LIN54: variants seen among roughly 807,000 people sequenced by gnomAD.
LIN54 encodes the protein protein lin-54 homolog.
Under a neutral mutation model 78.7 loss-of-function variants are expected in LIN54, and 9 were observed. The ratio of observed to expected loss-of-function variants is 0.11; its 90% confidence interval spans 0.07 to 0.20. The LOEUF is 0.20. Ranked by LOEUF, LIN54 falls within the 10% of genes least tolerant of loss-of-function variation. The probability of loss-of-function intolerance (pLI) is 1.00; values close to 1 mark genes in which losing one functional copy is unlikely to be tolerated. For synonymous variants in LIN54, 269 were observed against 318.4 expected (o/e 0.84, Z 1.65); for missense variants, 573 against 889.9 (o/e 0.64, Z 4.53).
At chr4:82,988,265 G>A (rs1339704917) in intron 1 of LIN54, among the ~76,000 whole-genome samples, 2 of 152,000 alleles carry the variant, frequency 1.3e-5, no homozygotes, top group East Asian at 1.9e-4. Context: ...AATATATTAT[G>A]TACTTATGAC....
upstream of LIN54, among the ~76,000 whole-genome samples, chr4:83,011,856 A>C (rs1729873485): frequency 6.6e-6 from 1 of 151,706 alleles, no homozygotes; most frequent in South Asian, 2.1e-4. Context: ...CAATTTTAGA[A>C]AGAGTTAACC....
rs558846465 is a variant in LIN54, at chr4:82,926,428, A to T, written c.*1674T>A. On this transcript the variant is annotated 3_prime_UTR_variant, in exon 13 of 13. Coordinates refer to ENST00000340417, the MANE Select transcript of LIN54 (RefSeq NM_194282.4). ...GGAAGATACTTTAGTGAATAACGGA[A>T]TCCTCTTTTGGATTACTTAATTTCT... 1 of 152,538 alleles carries T rather than the reference A, an allele frequency of 6.6e-6. No individual in the cohort carries two copies. Among genetic ancestry groups the T allele is most frequent in the African/African-American group, 2.4e-5 (1 of 41,438 alleles). The allele number at this position is 152,538 out of a possible 1,614,324, so 9.4% of individuals were successfully genotyped here. A position where few individuals can be genotyped will look rare whatever the true frequency, so the allele number is the denominator to read the frequency against.
At chr4:82,945,394 A>G (rs527449354) in intron 5 of LIN54, among the ~76,000 whole-genome samples, 1 of 152,362 alleles carries the variant, frequency 6.6e-6, no homozygotes, top group South Asian at 2.1e-4. Context: ...ATGGATGTAT[A>G]TCAGGTGGTA....
intron 3 of LIN54, among the ~76,000 whole-genome samples, chr4:82,975,317 CAG>C (rs369165894): frequency 1.4e-5 from 2 of 147,598 alleles, no homozygotes; most frequent in African/African-American, 5.0e-5. Flanking sequence ...GCCTGGGTGA[CAG>C]AGTGAAACTG....
chr4:82,950,600 C>T (rs1039945224), intron 4 of LIN54, among the ~76,000 whole-genome samples: 1 of 152,170 alleles, frequency 6.6e-6, no homozygotes, highest in African/African-American at 2.4e-5. Flanking sequence ...ATCTCTATTT[C>T]CTGAATAACA....
intron 4 of LIN54, among the ~76,000 whole-genome samples, chr4:82,964,437 A>G (rs1744216097): frequency 6.6e-6 from 1 of 152,216 alleles, no homozygotes; most frequent in South Asian, 2.1e-4. Flanking sequence ...ATCCTTGTTC[A>G]ACACTGTACC....
At chr4:83,001,929 GGGAAGGAAGGAA>G (rs1337408432) in intron 1 of LIN54, among the ~76,000 whole-genome samples, 2 of 2,920 alleles carry the variant, frequency 6.8e-4, no homozygotes, top group African/African-American at 1.3e-3. Context: ...GAGGGAGGGA[GGGAAGGAAGGAA>G]GGAAGGAAGG....
At chr4:83,010,995 G>A (rs1329761500), upstream of LIN54, among the ~76,000 whole-genome samples, 1 of 152,136 alleles carries the variant, frequency 6.6e-6, no homozygotes, top group Non-Finnish European at 1.5e-5. Context: ...ACGGGCCCCC[G>A]CAGGGACGCC....
In LIN54 at chr4:82,924,830, C is replaced by T. The variant is rs1251635184; in HGVS notation, c.*3272G>A. ...TTCCCTTCTGCTTTGGGTAGCCACA[C>T]CAGAATTCCTATATAAAATGCTTAA... On this transcript the variant is annotated 3_prime_UTR_variant, in exon 13 of 13. Coordinates refer to ENST00000340417, the MANE Select transcript of LIN54 (RefSeq NM_194282.4). 6.6e-6 allele frequency: 1 copy of T among 152,460 alleles called. No homozygotes were observed. Among genetic ancestry groups the T allele is most frequent in the African/African-American group, 2.4e-5 (1 of 41,420 alleles). The allele number at this position is 152,460 out of a possible 1,614,324, so 9.4% of individuals were successfully genotyped here. A position where few individuals can be genotyped will look rare whatever the true frequency, so the allele number is the denominator to read the frequency against.
At position 82,924,788 on chromosome 4, in the gene LIN54, A is replaced by AT. The variant is rs1214067463; in HGVS notation, c.*3313dup. On this transcript the variant is annotated 3_prime_UTR_variant, in exon 13 of 13. Coordinates refer to ENST00000340417, the MANE Select transcript of LIN54 (RefSeq NM_194282.4). ...ATGAAAATAACTCCAATAGAAAGGGATTTTTAGTTGATTGCCTTCCCTTCT... is the reference window on the plus strand; with the variant it reads ...ATGAAAATAACTCCAATAGAAAGGGATTTTTTAGTTGATTGCCTTCCCTTCT... 2 of 152,348 alleles carry AT rather than the reference A, an allele frequency of 1.3e-5. No individual in the cohort carries two copies. The highest frequency in any genetic ancestry group is 2.9e-5 in the Non-Finnish European group (2 of 68,028). 9.4% of individuals were successfully genotyped at this position (152,348 alleles called of 1,614,324 possible). A position where few individuals can be genotyped will look rare whatever the true frequency, so the allele number is the denominator to read the frequency against.
At chr4:82,932,232 C>G (rs1578481180) in intron 11 of LIN54, among the ~76,000 whole-genome samples, 2 of 150,878 alleles carry the variant, frequency 1.3e-5, no homozygotes, top group Non-Finnish European at 3.0e-5. Flanking sequence ...GTAGCTGGGA[C>G]TACAGGCACC....
In LIN54 at chr4:82,984,639, T is replaced by A; in HGVS notation, c.206A>T (p.Tyr69Phe). 1 of 1,614,140 alleles carries A rather than the reference T, an allele frequency of 6.2e-7. No homozygotes were observed. The highest frequency in any genetic ancestry group is 1.3e-5 in the African/African-American group (1 of 75,054). ...TGCAACTTGGTTAGTGTGGTTACTG[T>A]ACACTGTGATTGGTTCCGTGGAAAT... ...TPISTEPITV[Y>F]SNHTNQVAVN... is the part of the protein sequence containing the mutation. Residue 69 changes from tyrosine to phenylalanine, a missense_variant, in exon 2 of 13, where the codon TAC (tyrosine) becomes TTC (phenylalanine). Physicochemically the swap from Tyr to Phe is conservative, Grantham distance 22 (BLOSUM62 3). Around this residue, in one of 6 missense-constraint regions of LIN54, gnomAD observed 183 missense variants for 228.4 expected, o/e 0.80. Coordinates refer to ENST00000340417, the MANE Select transcript of LIN54 (RefSeq NM_194282.4).
rs1053887069 is a variant in LIN54 at position 83,010,799 on chromosome 4, C to T, written c.-348G>A. 5.7e-6 allele frequency: 7 copies of T among 1,225,764 alleles called. No homozygotes were observed. The highest frequency in any genetic ancestry group is 6.4e-5 in the East Asian group (2 of 31,032). The allele number at this position is 1,225,764 out of a possible 1,614,324, so 75.9% of individuals were successfully genotyped here. ...CTTCCCCGACAGCCGGAGCCCGGGC[C>T]GCCGCCGCCGCCGCCACCACCAGTA... On this transcript the variant is annotated 5_prime_UTR_variant, in exon 1 of 13. Transcript: ENST00000340417.
At chr4:82,949,346 T>C (rs1193914809) in intron 4 of LIN54, among the ~76,000 whole-genome samples, 1 of 151,770 alleles carries the variant, frequency 6.6e-6, no homozygotes, top group Non-Finnish European at 1.5e-5. Flanking sequence ...TTGCGTATTT[T>C]TTAATTGGGT....
At position 82,939,889 on chromosome 4, in the gene LIN54, T is replaced by C; in HGVS notation, c.1242A>G (p.Gln414=). ...VPIVSAQAVK[Q]VVPKPINPTS... is the part of the protein sequence containing the mutation. ...GAGAAAGAAGTTATGTGATACTTAC[T>C]TGTTTGACAGCCTGAGCTGAGACAA... is the stretch of plus-strand genomic sequence containing the variant. The change falls in exon 6 of 13, where the codon CAA becomes CAG. Residue 414 remains glutamine, a splice_region_variant and synonymous_variant. Coordinates refer to ENST00000340417, the MANE Select transcript of LIN54 (RefSeq NM_194282.4). 6.2e-7 allele frequency: 1 copy of C among 1,611,184 alleles called. No individual in the cohort carries two copies. Among genetic ancestry groups the C allele is most frequent in the Non-Finnish European group, 8.5e-7 (1 of 1,178,540 alleles).
chr4:83,004,582 T>C (rs922373050), intron 1 of LIN54, among the ~76,000 whole-genome samples: 1 of 152,040 alleles, frequency 6.6e-6, no homozygotes, highest in Admixed American at 6.6e-5. Flanking sequence ...CTCGGACACC[T>C]GGGCTCAAGT....
At chr4:82,942,126 A>G (rs1395607740) in intron 5 of LIN54, among the ~76,000 whole-genome samples, 1 of 127,866 alleles carries the variant, frequency 7.8e-6, no homozygotes, top group Non-Finnish European at 1.6e-5. Context: ...CTACTATGAT[A>G]TCAGCAGTTT....
intron 5 of LIN54, among the ~76,000 whole-genome samples, chr4:82,945,369 G>T (rs893040640): frequency 7.9e-5 from 12 of 152,138 alleles, no homozygotes; most frequent in Admixed American, 5.9e-4. Flanking sequence ...TATGAAAAAG[G>T]TCATTTATGT....
rs185666944 is a variant in LIN54, at chr4:82,934,215, G to A, written c.1845+1766C>T. ...TGAGTTTGAGAGCAACCGGGCCAAC[G>A]TGGTGAAACCCTGTCTCTACTAAAA... On this transcript the variant is annotated intron_variant, in intron 11 of 12. Coordinates refer to ENST00000340417, the MANE Select transcript of LIN54 (RefSeq NM_194282.4). Among the ~76,000 whole-genome samples the A allele has an allele frequency of 9.4e-4, 143 of 152,140 alleles. 2 individuals are homozygous for A. The Middle Eastern group carries it at 0.01, about 11-fold the overall frequency.
Sources: allele counts gnomAD v4.1 joint callset (sites outside exome capture counted in the v4.1 genomes callset), GRCh38; gene constraint gnomAD v4.1.1; regional missense constraint gnomAD v4.1.1; transcripts MANE v1.5; gene names NCBI Gene and HGNC (gene_info 2026-07-23, HGNC 2026-07-21).